The following NSL1 variants were observed in gnomAD, a reference collection of about 807,000 sequenced individuals.
NSL1 encodes kinetochore-associated protein NSL1 homolog.
In NSL1, 11 loss-of-function variants were observed where a neutral mutation model predicts 25.4. The ratio of observed to expected loss-of-function variants is 0.43; its 90% confidence interval spans 0.27 to 0.72. NSL1 has a LOEUF of 0.72. NSL1 is among the 30% of genes least tolerant of loss of function. NSL1 has a pLI of 0.19. For missense variants in NSL1, 330 were observed against 342.7 expected (o/e 0.96, Z 0.29); for synonymous variants, 118 against 120.6 (o/e 0.98, Z 0.14).
At chr1:212,750,785 C>CA (rs1267730142) in intron 4 of NSL1, among the ~76,000 whole-genome samples, 2 of 151,702 alleles carry the variant, frequency 1.3e-5, no homozygotes, top group Admixed American at 6.6e-5. Context: ...ACTAAAAATA[C>CA]AAAAAATTAG....
intron 4 of NSL1, among the ~76,000 whole-genome samples, chr1:212,751,616 G>A (rs1659069234): frequency 6.6e-6 from 1 of 152,112 alleles, no homozygotes; most frequent in Non-Finnish European, 1.5e-5. Flanking sequence ...AGAATTAAAT[G>A]TTTAAACTAT....
chr1:212,744,550 A>G (rs1658668628), intron 4 of NSL1, among the ~76,000 whole-genome samples: 1 of 152,252 alleles, frequency 6.6e-6, no homozygotes, highest in African/African-American at 2.4e-5. Context: ...GAGGAGGTTC[A>G]GACACTGGAC....
rs1178297207 is a variant in NSL1 at position 212,732,620 on chromosome 1, G to A, written c.*5788C>T. The A allele has an allele frequency of 1.0e-6, 1 of 985,190 alleles. No homozygotes were observed. Among genetic ancestry groups the A allele is most frequent in the African/African-American group, 1.7e-5 (1 of 57,202 alleles). 61.0% of individuals were successfully genotyped at this position (985,190 alleles called of 1,614,324 possible). A position where few individuals can be genotyped will look rare whatever the true frequency, so the allele number is the denominator to read the frequency against. On this transcript the variant is annotated 3_prime_UTR_variant, in exon 6 of 6. Transcript: ENST00000366977. ...ACATAGTCTTATTCCAACCTGGTCT[G>A]CCTAGTCTCCAAATCTGCTGATTAG...
At chr1:212,773,353 T>C (rs537104276) in intron 4 of NSL1, among the ~76,000 whole-genome samples, 1 of 151,728 alleles carries the variant, frequency 6.6e-6, no homozygotes, top group Non-Finnish European at 1.5e-5. Flanking sequence ...AAAAAAATCC[T>C]GTTAAAAAGA....
At chr1:212,773,980 A>C (rs756473312) in intron 4 of NSL1, among the ~76,000 whole-genome samples, 4 of 152,128 alleles carry the variant, frequency 2.6e-5, no homozygotes, top group Non-Finnish European at 5.9e-5. Context: ...CTCACATGTG[A>C]GAACTAAAAA....
intron 4 of NSL1, among the ~76,000 whole-genome samples, chr1:212,775,485 A>C (rs1051258033): frequency 3.3e-5 from 5 of 152,086 alleles, no homozygotes; most frequent in African/African-American, 1.2e-4. Context: ...AGAGTAAATA[A>C]AACAAATTTC....
rs1475452074 is a variant in NSL1, at chr1:212,778,917, C to T, written c.499+3455G>A. Among the ~76,000 whole-genome samples the T allele has an allele frequency of 4.7e-5, 7 of 147,974 alleles. No individual in the cohort carries two copies. In the South Asian group the frequency reaches 8.7e-4, roughly 18 times the overall value. On this transcript the variant is annotated intron_variant, in intron 4 of 5. Coordinates refer to ENST00000366977, the MANE Select transcript of NSL1 (RefSeq NM_015471.4). ...GCTGCCCAGTCTGGAAAGTGAGGAG[C>T]GTCTCTGCCCAGCCGCCATCCCATC...
Position 212,731,088 on chromosome 1 carries a change from T to TC in NSL1, c.*7319dup, listed in dbSNP as rs1657994216. On this transcript the variant is annotated 3_prime_UTR_variant, in exon 6 of 6. Transcript: ENST00000366977. The stretch of plus-strand genomic sequence containing the variant: ...TTTTCTCAAATCCTTTCATATAAAA[T>TC]CCCCAAGAACCCCCTTCAGTGGTTC... 1.0e-6 allele frequency: 1 copy of TC among 984,430 alleles called. No individual in the cohort carries two copies. The highest frequency in any genetic ancestry group is 1.2e-6 in the Non-Finnish European group (1 of 829,710). 61.0% of individuals were successfully genotyped at this position (984,430 alleles called of 1,614,324 possible).
chr1:212,786,474 T>C (rs1660951381), intron 2 of NSL1, among the ~76,000 whole-genome samples: 1 of 151,508 alleles, frequency 6.6e-6, no homozygotes, highest in African/African-American at 2.4e-5. Flanking sequence ...AGGAACATGC[T>C]TTCTTAGCAC....
chr1:212,728,627 G>T lies in NSL1; in HGVS notation c.*9781C>A. The T allele has an allele frequency of 5.1e-6, 5 of 985,432 alleles. No homozygotes were observed. The highest frequency in any genetic ancestry group is 6.0e-6 in the Non-Finnish European group (5 of 829,926). 61.0% of individuals were successfully genotyped at this position (985,432 alleles called of 1,614,324 possible). A position where few individuals can be genotyped will look rare whatever the true frequency, so the allele number is the denominator to read the frequency against. On this transcript the variant is annotated 3_prime_UTR_variant, in exon 6 of 6. Coordinates refer to ENST00000366977, the MANE Select transcript of NSL1 (RefSeq NM_015471.4). ...AAAAATGGTTTCTGAGAATTCTGAG[G>T]CTCTGATCTGATGAGTGAAGGGAAC...
chr1:212,779,216 C>T (rs1442059322), intron 4 of NSL1, among the ~76,000 whole-genome samples: 4 of 151,784 alleles, frequency 2.6e-5, no homozygotes, highest in South Asian at 2.1e-4. Context: ...CCAGCCGCCC[C>T]GTCTGGGAGG....
chr1:212,791,515 T>C lies in NSL1; in HGVS notation c.234+15A>G, dbSNP rs995560823. On this transcript the variant is annotated intron_variant, in intron 1 of 5. Transcript: ENST00000366977. ...AGAGGATGATGAGTAAAGAACTGGC[T>C]AACTGGTCCCGTACCCACTGCGCAT... The C allele has an allele frequency of 1.9e-6, 3 of 1,605,548 alleles. No individual in the cohort carries two copies. In the Admixed American group the frequency reaches 5.0e-5, roughly 27 times the overall value.
At chr1:212,764,738 T>C (rs550729441) in intron 4 of NSL1, among the ~76,000 whole-genome samples, 2 of 148,172 alleles carry the variant, frequency 1.3e-5, no homozygotes, top group East Asian at 2.0e-4. Flanking sequence ...CCCAGCCACT[T>C]GGGAGGCTGA....
intron 4 of NSL1, among the ~76,000 whole-genome samples, chr1:212,744,787 T>C (rs973631512): frequency 2.0e-5 from 3 of 152,072 alleles, no homozygotes; most frequent in South Asian, 2.1e-4. Flanking sequence ...ATTAAGGAAC[T>C]TGAAGGTAGG....
intron 1 of NSL1, among the ~76,000 whole-genome samples, chr1:212,791,150 A>G (rs1661230544): frequency 6.6e-6 from 1 of 152,170 alleles, no homozygotes; most frequent in Non-Finnish European, 1.5e-5. Context: ...ACCAGATTTG[A>G]AAAGCTTAGT....
rs184515581 is a variant in NSL1 at position 212,734,749 on chromosome 1, G to C, written c.*3659C>G. Among the ~76,000 whole-genome samples the C allele has an allele frequency of 2.5e-3, 374 of 152,272 alleles. 4 individuals are homozygous for C. Among genetic ancestry groups the C allele is most frequent in the Admixed American group, 0.022 (334 of 15,296 alleles). On this transcript the variant is annotated 3_prime_UTR_variant, in exon 6 of 6. Transcript: ENST00000366977. ...CTGATTATTTGCCTAAAACATTCAAGACTGCTCAAATGCCACCTCTTCTAC... is the reference window on the plus strand; with the variant it reads ...CTGATTATTTGCCTAAAACATTCAACACTGCTCAAATGCCACCTCTTCTAC...
At chr1:212,751,256 G>C (rs2102442825) in intron 4 of NSL1, among the ~76,000 whole-genome samples, 1 of 152,336 alleles carries the variant, frequency 6.6e-6, no homozygotes, top group South Asian at 2.1e-4. Flanking sequence ...TCCATGGACA[G>C]CCCATTCCTA....
At chr1:212,779,254 C>A (rs1392026453) in intron 4 of NSL1, among the ~76,000 whole-genome samples, 1 of 146,206 alleles carries the variant, frequency 6.8e-6, no homozygotes, top group Non-Finnish European at 1.5e-5. Context: ...CAGCCCCCCT[C>A]CCGGCCAGCC....
intron 4 of NSL1, among the ~76,000 whole-genome samples, chr1:212,770,343 A>T (rs551622067): frequency 9.8e-5 from 15 of 152,316 alleles, no homozygotes; most frequent in African/African-American, 3.6e-4. Flanking sequence ...ATTATAACTG[A>T]TACCACAGAA....
Sources: gnomAD v4.1 joint callset for allele counts (sites outside exome capture counted in the v4.1 genomes callset) on GRCh38, gnomAD v4.1.1 for gene constraint, MANE v1.5 for transcripts, NCBI Gene and HGNC (gene_info 2026-07-23, HGNC 2026-07-21) for gene names.